RGS6: variants seen among roughly 807,000 people sequenced by gnomAD.
The protein encoded by RGS6 is regulator of G-protein signaling 6.
Under a neutral mutation model 78.5 loss-of-function variants are expected in RGS6, and 30 were observed. That is an observed-to-expected ratio of 0.38 (90% confidence interval 0.29 to 0.52). The LOEUF is 0.52. Among genes scored for constraint, RGS6 ranks in the 20% least tolerant of loss-of-function variants. The pLI is 0.85. For synonymous variants in RGS6, 206 were observed against 206.0 expected, an observed-to-expected ratio of 1.00 and a Z score of 0.00; for missense variants, 495 against 609.7, an observed-to-expected ratio of 0.81 and a Z score of 1.98.
chr14:72,171,269 A>G (rs2097013465), intron 2 of RGS6, among the ~76,000 whole-genome samples: 1 of 152,092 alleles, frequency 6.6e-6, no homozygotes, highest in East Asian at 1.9e-4. Flanking sequence ...GGACCTGTGC[A>G]TGAACACACA....
At chr14:71,988,245 T>C (rs1226447663) in intron 2 of RGS6, among the ~76,000 whole-genome samples, 1 of 152,194 alleles carries the variant, frequency 6.6e-6, no homozygotes, top group Non-Finnish European at 1.5e-5. Flanking sequence ...AAGGGAGTTA[T>C]TACTGTCATT....
At chr14:72,431,083 CATGT>C (rs953175881) in intron 3 of RGS6, among the ~76,000 whole-genome samples, 1 of 152,128 alleles carries the variant, frequency 6.6e-6, no homozygotes, top group Non-Finnish European at 1.5e-5. Context: ...ATTTATTAAG[CATGT>C]ATACTATACA....
chr14:72,307,478 G>T (rs879558911), intron 2 of RGS6, among the ~76,000 whole-genome samples: 5 of 152,046 alleles, frequency 3.3e-5, no homozygotes, highest in Admixed American at 6.6e-5. Flanking sequence ...TAAGGTATGA[G>T]ATAAAGATCT....
At chr14:72,599,522 C>T in the RGS6 span, among the ~76,000 whole-genome samples, 3 of 146,790 alleles carry the variant, frequency 2.0e-5, no homozygotes, top group South Asian at 6.7e-4. Flanking sequence ...CATTCTCCTG[C>T]CTCAACCTCC....
chr14:72,002,581 G>A (rs1370487317), intron 2 of RGS6, among the ~76,000 whole-genome samples: 5 of 147,002 alleles, frequency 3.4e-5, no homozygotes, highest in Non-Finnish European at 7.5e-5. Flanking sequence ...GGTATGCATT[G>A]AGGCAAGAGT....
intron 3 of RGS6, among the ~76,000 whole-genome samples, chr14:72,402,324 A>G (rs549210158): frequency 1.3e-5 from 2 of 152,344 alleles, no homozygotes; most frequent in African/African-American, 4.8e-5. Context: ...TGGCTATGGT[A>G]GTTGATGTTG....
intron 3 of RGS6, among the ~76,000 whole-genome samples, chr14:72,394,608 T>C (rs1046647315): frequency 1.4e-4 from 21 of 152,202 alleles, no homozygotes; most frequent in African/African-American, 4.8e-4. Flanking sequence ...ATGGCTCTGT[T>C]CCGCCTGGCT....
intron 13 of RGS6, among the ~76,000 whole-genome samples, chr14:72,502,897 G>C (rs1042041693): frequency 2.4e-4 from 36 of 152,352 alleles, no homozygotes; most frequent in African/African-American, 8.7e-4. Context: ...GCTCTGAGAT[G>C]GGGACATTGG....
At chr14:72,325,682 T>C (rs562942083) in intron 2 of RGS6, among the ~76,000 whole-genome samples, 1 of 152,182 alleles carries the variant, frequency 6.6e-6, no homozygotes, top group South Asian at 2.1e-4. Flanking sequence ...AAAAATCTCT[T>C]GAATAAAATT....
chr14:72,055,033 A>G lies in RGS6; in HGVS notation c.84+90158A>G, dbSNP rs180691615. ...ACTATGATTTATCAATACTCATGTC[A>G]TTGGGCATTCAGGGTGTTTCCTGTT... On this transcript the variant is annotated intron_variant, in intron 2 of 17. Transcript: ENST00000553525. 4.1e-3 allele frequency among the ~76,000 whole-genome samples: 624 copies of G among 152,288 alleles called. 2 individuals are homozygous for G. Among genetic ancestry groups the G allele is most frequent in the African/African-American group, 0.015 (609 of 41,550 alleles).
chr14:71,897,372 A>G, the RGS6 span, among the ~76,000 whole-genome samples: 1 of 152,108 alleles, frequency 6.6e-6, no homozygotes, highest in Non-Finnish European at 1.5e-5. Flanking sequence ...GATTATATTT[A>G]CTTCCCTACT....
At chr14:72,395,947 C>G (rs565554050) in intron 3 of RGS6, among the ~76,000 whole-genome samples, 2,366 of 151,970 alleles carry the variant, frequency 0.016, 69 homozygotes, top group African/African-American at 0.055. Context: ...GGACATTTGG[C>G]TTGGTTCCAA....
the RGS6 span, among the ~76,000 whole-genome samples, chr14:71,867,390 C>T: frequency 1.3e-5 from 2 of 152,078 alleles, no homozygotes; most frequent in East Asian, 3.9e-4. Context: ...ACACTAGCAC[C>T]AACACCAAAT....
At chr14:72,500,769 G>C (rs2096713542) in intron 13 of RGS6, among the ~76,000 whole-genome samples, 1 of 152,208 alleles carries the variant, frequency 6.6e-6, no homozygotes. Flanking sequence ...GTTCCTGAGA[G>C]GGGAGAACTA....
At chr14:72,251,699 G>T (rs1425085801) in intron 2 of RGS6, among the ~76,000 whole-genome samples, 1 of 152,090 alleles carries the variant, frequency 6.6e-6, no homozygotes. Flanking sequence ...CGACACCAGG[G>T]ACTACTAGAG....
chr14:72,604,335 C>G, the RGS6 span, among the ~76,000 whole-genome samples: 1 of 152,188 alleles, frequency 6.6e-6, no homozygotes, highest in Non-Finnish European at 1.5e-5. Flanking sequence ...TCCCCAATCC[C>G]AAATCACTGC....
downstream of RGS6, among the ~76,000 whole-genome samples, chr14:72,567,855 C>G (rs1332806910): frequency 6.6e-6 from 1 of 152,238 alleles, no homozygotes; most frequent in Non-Finnish European, 1.5e-5. Flanking sequence ...ATATGAACCC[C>G]TGACCCCCGT....
chr14:71,905,873 G>A, the RGS6 span, among the ~76,000 whole-genome samples: 1 of 152,178 alleles, frequency 6.6e-6, no homozygotes, highest in Non-Finnish European at 1.5e-5. Flanking sequence ...GGCTTGTGTG[G>A]CAGCACCACA....
intron 2 of RGS6, among the ~76,000 whole-genome samples, chr14:72,106,480 T>G (rs1040111127): frequency 3.3e-5 from 5 of 152,192 alleles, no homozygotes; most frequent in Non-Finnish European, 5.9e-5. Context: ...GTGGACACTT[T>G]GAAACCAGCA....
Sources: allele counts gnomAD v4.1 joint callset (sites outside exome capture counted in the v4.1 genomes callset), GRCh38; gene constraint gnomAD v4.1.1; transcripts MANE v1.5; gene names NCBI Gene and HGNC (gene_info 2026-07-23, HGNC 2026-07-21).